STAU2: variants seen among roughly 807,000 people sequenced by gnomAD.
STAU2 encodes double-stranded RNA-binding protein Staufen homolog 2.
STAU2 carries 20 observed loss-of-function variants against 65.9 expected under a neutral mutation model. The observed-to-expected ratio is 0.30, with a 90% CI of 0.21 to 0.44. The LOEUF is 0.44. Ranked by LOEUF, STAU2 falls within the 20% of genes least tolerant of loss-of-function variation. The pLI is 1.00. For synonymous variants in STAU2, 232 were observed against 233.9 expected, an observed-to-expected ratio of 0.99 and a Z score of 0.07; for missense variants, 558 against 683.9, an observed-to-expected ratio of 0.82 and a Z score of 2.05.
intron 13 of STAU2, among the ~76,000 whole-genome samples, chr8:73,423,895 G>A (rs556741512): frequency 6.6e-6 from 1 of 152,184 alleles, no homozygotes; most frequent in African/African-American, 2.4e-5. Flanking sequence ...AATATTGATA[G>A]CTTATCATTA....
At chr8:73,533,711 CAG>C (rs1179341975) in intron 13 of STAU2, among the ~76,000 whole-genome samples, 1 of 152,128 alleles carries the variant, frequency 6.6e-6, no homozygotes. Context: ...GCATGAGCAA[CAG>C]AGAGAGATGA....
chr8:73,605,878 TACACACACACACACAC>T (rs58486426), intron 9 of STAU2, among the ~76,000 whole-genome samples: 25 of 117,756 alleles, frequency 2.1e-4, no homozygotes, highest in Non-Finnish European at 3.0e-4. Flanking sequence ...CACACACACA[TACACACACACACACAC>T]ACACACACAC....
intron 13 of STAU2, among the ~76,000 whole-genome samples, chr8:73,433,636 G>C (rs1251564895): frequency 1.3e-5 from 2 of 151,578 alleles, no homozygotes; most frequent in Non-Finnish European, 2.9e-5. Context: ...GAGTAGCTGG[G>C]ATTAGAGGCG....
chr8:73,728,949 A>G (rs1449051780), intron 3 of STAU2, among the ~76,000 whole-genome samples: 2 of 152,130 alleles, frequency 1.3e-5, no homozygotes, highest in African/African-American at 4.8e-5. Flanking sequence ...TATAACTTCC[A>G]CTACAACTTG....
At chr8:73,654,843 T>C (rs962396618) in intron 6 of STAU2, among the ~76,000 whole-genome samples, 3 of 151,420 alleles carry the variant, frequency 2.0e-5, no homozygotes, top group South Asian at 2.1e-4. Flanking sequence ...CGCGCCACCA[T>C]GCCCGGCTAA....
intron 6 of STAU2, among the ~76,000 whole-genome samples, chr8:73,638,099 C>G (rs1814682735): frequency 6.6e-6 from 1 of 151,794 alleles, no homozygotes; most frequent in African/African-American, 2.4e-5. Flanking sequence ...AGAGAATATC[C>G]TGAAAGGATA....
chr8:73,457,729 G>C (rs1034001512), intron 13 of STAU2, among the ~76,000 whole-genome samples: 2 of 152,154 alleles, frequency 1.3e-5, no homozygotes, highest in African/African-American at 2.4e-5. Flanking sequence ...CCCTATTTTA[G>C]CTGTTTTTAT....
rs765065348 is a variant in STAU2 at position 73,603,729 on chromosome 8, C to A, written c.1026G>T (p.Met342Ile). The change falls in exon 10 of 15, where the codon ATG becomes ATT. Residue 342 changes from methionine (M) to isoleucine (I), a missense_variant. Physicochemically the swap from Met to Ile is conservative, Grantham distance 10. Coordinates refer to ENST00000524300, the MANE Select transcript of STAU2 (RefSeq NM_001164380.2). ...AGTTTTAAAAGGTTAGAAATACCTGCATCACAAATTCTCGACGTCGAGGCA... is the reference window on the plus strand; with the variant it reads ...AGTTTTAAAAGGTTAGAAATACCTGAATCACAAATTCTCGACGTCGAGGCA... ...RGMPRRREFV[M>I]QVKVGNEVAT... The A allele has an allele frequency of 2.0e-5, 33 of 1,610,614 alleles. No homozygotes were observed. Among genetic ancestry groups the A allele is most frequent in the Non-Finnish European group, 2.7e-5 (32 of 1,179,612 alleles).
intron 10 of STAU2, among the ~76,000 whole-genome samples, chr8:73,598,410 G>T (rs1006596817): frequency 6.6e-6 from 1 of 151,804 alleles, no homozygotes. Flanking sequence ...TGTATTTACA[G>T]TACAGATGGG....
At chr8:73,645,936 T>G (rs1306657139) in intron 6 of STAU2, among the ~76,000 whole-genome samples, 1 of 152,026 alleles carries the variant, frequency 6.6e-6, no homozygotes, top group Non-Finnish European at 1.5e-5. Context: ...CATGATCCAA[T>G]CACCTCCCAC....
At chr8:73,515,773 C>CTTTTTTTTTTTTTT (rs75132374) in intron 13 of STAU2, among the ~76,000 whole-genome samples, 1 of 90,936 alleles carries the variant, frequency 1.1e-5, no homozygotes, top group Non-Finnish European at 2.1e-5. Flanking sequence ...AAAAATTTCT[C>CTTTTTTTTTTTTTT]TTTTTTTTTT....
At chr8:73,689,221 T>C (rs541559852) in intron 4 of STAU2, among the ~76,000 whole-genome samples, 1 of 152,206 alleles carries the variant, frequency 6.6e-6, no homozygotes, top group Non-Finnish European at 1.5e-5. Context: ...GAATGTTACA[T>C]TTAGCACAAT....
chr8:73,433,254 G>C (rs926180776), intron 13 of STAU2, among the ~76,000 whole-genome samples: 2 of 151,890 alleles, frequency 1.3e-5, no homozygotes, highest in Non-Finnish European at 2.9e-5. Context: ...TGCCAGGCTG[G>C]AGTGCAATGG....
At chr8:73,714,191 C>G (rs1220757641) in intron 3 of STAU2, among the ~76,000 whole-genome samples, 1 of 152,184 alleles carries the variant, frequency 6.6e-6, no homozygotes, top group Non-Finnish European at 1.5e-5. Flanking sequence ...GCGTGAGCCA[C>G]CACGCCCGGC....
At chr8:73,692,799 T>G (rs978807618) in intron 4 of STAU2, among the ~76,000 whole-genome samples, 6 of 152,122 alleles carry the variant, frequency 3.9e-5, no homozygotes, top group African/African-American at 1.4e-4. Context: ...GGACATCCAG[T>G]CAATGTATGG....
chr8:73,580,020 C>T (rs915911081), intron 12 of STAU2, among the ~76,000 whole-genome samples: 11 of 152,096 alleles, frequency 7.2e-5, no homozygotes, highest in African/African-American at 2.7e-4. Context: ...TAGTTAGGTG[C>T]TATGCCAGAT....
chr8:73,712,072 T>C (rs1820939968), intron 3 of STAU2, among the ~76,000 whole-genome samples: 1 of 152,136 alleles, frequency 6.6e-6, no homozygotes, highest in East Asian at 1.9e-4. Flanking sequence ...CTATAAAATC[T>C]GAGACACATA....
intron 13 of STAU2, among the ~76,000 whole-genome samples, chr8:73,484,875 CA>C (rs1488476301): frequency 6.6e-6 from 1 of 152,074 alleles, no homozygotes; most frequent in South Asian, 2.1e-4. Context: ...TAAGGATTGA[CA>C]ACTGGGGCCA....
intron 13 of STAU2, among the ~76,000 whole-genome samples, chr8:73,491,377 T>A (rs1333908150): frequency 6.6e-6 from 1 of 151,966 alleles, no homozygotes; most frequent in East Asian, 1.9e-4. Context: ...GAGCAGTCAC[T>A]CAGCCATGAA....
Sources: allele counts gnomAD v4.1 joint callset (sites outside exome capture counted in the v4.1 genomes callset), GRCh38; gene constraint gnomAD v4.1.1; transcripts MANE v1.5; gene names NCBI Gene and HGNC (gene_info 2026-07-23, HGNC 2026-07-21).